SMTN: variants seen among roughly 807,000 people sequenced by gnomAD.
The protein encoded by SMTN is smoothelin.
A neutral mutation model predicts 102.0 loss-of-function variants in SMTN; 58 were observed. The ratio of observed to expected loss-of-function variants is 0.57; its 90% CI spans 0.46 to 0.71. The LOEUF is 0.71. Among genes scored for constraint, SMTN ranks in the 30% least tolerant of loss-of-function variants. The pLI is 0.00. For missense variants in SMTN, 1,185 were observed against 1,241.7 expected (o/e 0.95, Z 0.69); for synonymous variants, 478 against 497.9 (o/e 0.96, Z 0.53).
In SMTN at chr22:31,090,221, C is replaced by T. The variant is rs745757593; in HGVS notation, c.865+41C>T. 3 of 1,512,786 alleles carry T rather than the reference C, an allele frequency of 2.0e-6. No homozygotes were observed. The South Asian group carries it at 3.6e-5, about 18-fold the overall frequency. 93.7% of individuals were successfully genotyped at this position (1,512,786 alleles called of 1,614,324 possible). A position where few individuals can be genotyped will look rare whatever the true frequency, so the allele number is the denominator to read the frequency against. On this transcript the variant is annotated intron_variant, in intron 8 of 20. Transcript: ENST00000333137. Reference sequence around the variant, plus strand: ...GGGGTAGTCACAGGCATCTTTCTTCCCCTCCCCCTGCCTCCCTTTCCCTGC... The same window carrying T: ...GGGGTAGTCACAGGCATCTTTCTTCTCCTCCCCCTGCCTCCCTTTCCCTGC...
At chr22:31,082,727 G>T (rs920638344) in intron 1 of SMTN, 11 of 742,118 alleles carry the variant, frequency 1.5e-5, no homozygotes, top group Non-Finnish European at 2.5e-5. Flanking sequence ...CAAGAACTAC[G>T]GGTTCAGCCC....
intron 3 of SMTN, 57 bp downstream of exon 3, chr22:31,088,170 G>C (rs2042845369): frequency 6.6e-7 from 1 of 1,526,564 alleles, no homozygotes; most frequent in African/African-American, 1.4e-5. Flanking sequence ...CCCTGGCTCA[G>C]CTCATGTGTG....
At chr22:31,071,640 T>A (rs1326854675) in intron 1 of SMTN, among the ~76,000 whole-genome samples, 1 of 150,048 alleles carries the variant, frequency 6.7e-6, no homozygotes, top group Non-Finnish European at 1.5e-5. Flanking sequence ...CTTAATTAAT[T>A]AAAAAAAATT....
rs145606484 is a variant in SMTN, at chr22:31,099,189, G to A, written c.2451+10G>A. On this transcript the variant is annotated intron_variant, in intron 18 of 20. Coordinates refer to ENST00000333137, the MANE Select transcript of SMTN (RefSeq NM_134269.3). ...GACTCGCGGCTACGAGGTGAGCCCCGGGAGGCCAGGGGGCCTGGAGGCCTC... is the reference window on the plus strand; with the variant it reads ...GACTCGCGGCTACGAGGTGAGCCCCAGGAGGCCAGGGGGCCTGGAGGCCTC... 452 of 1,593,882 alleles carry A rather than the reference G, an allele frequency of 2.8e-4. 1 individual carries two copies. The African/African-American group carries it at 5.5e-3, about 19-fold the overall frequency.
intron 11 of SMTN, among the ~76,000 whole-genome samples, chr22:31,094,620 G>A (rs1329381518): frequency 6.6e-6 from 1 of 151,630 alleles, no homozygotes; most frequent in Non-Finnish European, 1.5e-5. Flanking sequence ...GAGAGAGACT[G>A]TGGGCAAGTC....
At position 31,088,082 on chromosome 22, in the gene SMTN, G is replaced by A. The variant is rs760960320; in HGVS notation, c.169G>A (p.Glu57Lys). Residue 57 changes from glutamate (E) to lysine (K), a missense_variant, in exon 3 of 21, where the codon GAG (glutamate) becomes AAG (lysine). Physicochemically the swap from Glu to Lys is moderately conservative, Grantham distance 56. Around this residue, in one of 2 missense-constraint regions of SMTN, gnomAD observed 1,096 missense variants for 1,112.7 expected, o/e 0.98. Coordinates refer to ENST00000333137, the MANE Select transcript of SMTN (RefSeq NM_134269.3). ...CCTGGCATCCAAGCGTTTCCGTGCC[G>A]AGCGGCAGGACAACAAGGAGAACTG... Reference protein sequence around the residue: ...EALASKRFRAERQDNKENWLH... With the variant: ...EALASKRFRAKRQDNKENWLH... 3.1e-6 allele frequency: 5 copies of A among 1,607,996 alleles called. No homozygotes were observed. Among genetic ancestry groups the A allele is most frequent in the Admixed American group, 1.7e-5 (1 of 59,482 alleles).
chr22:31,075,425 A>G (rs1445663817), intron 1 of SMTN, among the ~76,000 whole-genome samples: 2 of 152,152 alleles, frequency 1.3e-5, no homozygotes, highest in East Asian at 1.9e-4. Flanking sequence ...GGCGCGGTGT[A>G]ATCCCAGCAT....
chr22:31,100,525 G>A lies in SMTN; in HGVS notation c.2604-360G>A, dbSNP rs536442139. Among the ~76,000 whole-genome samples the A allele has an allele frequency of 1.7e-4, 24 of 142,344 alleles. No homozygotes were observed. The South Asian group carries it at 4.5e-3, about 27-fold the overall frequency. 93.4% of individuals were successfully genotyped at this position (142,344 alleles called of 152,430 possible). On this transcript the variant is annotated intron_variant, in intron 19 of 20. Transcript: ENST00000333137. ...CACGCCTCCCTCACCCCCTCTCCCC[G>A]GGGCACAGCCCTCCTCTCCAACCTT...
At chr22:31,099,385 A>T (rs1239548033) in intron 18 of SMTN, 2 of 595,092 alleles carry the variant, frequency 3.4e-6, no homozygotes, top group Non-Finnish European at 6.0e-6. Context: ...ATGAAGTAAC[A>T]GGGCCTCTTG....
chr22:31,086,224 T>C (rs1428238125), intron 2 of SMTN, among the ~76,000 whole-genome samples: 1 of 152,228 alleles, frequency 6.6e-6, no homozygotes, highest in African/African-American at 2.4e-5. Flanking sequence ...CCAGGATCCC[T>C]GAGGTCCCCA....
intron 20 of SMTN, 33 bp downstream of exon 20, chr22:31,101,082 T>C (rs2044053058): frequency 3.8e-6 from 6 of 1,559,156 alleles, no homozygotes; most frequent in Middle Eastern, 3.5e-4. Context: ...CCTGCCCCGT[T>C]TCACCAGAAT....
chr22:31,080,064 G>A (rs554223981), upstream of SMTN, among the ~76,000 whole-genome samples: 33 of 152,312 alleles, frequency 2.2e-4, no homozygotes, highest in South Asian at 2.5e-3. Context: ...CACCTGGCCC[G>A]TGCCTTGGTT....
chr22:31,089,910 C>T lies in SMTN; in HGVS notation c.683C>T (p.Ala228Val), dbSNP rs1267803592. The T allele has an allele frequency of 6.2e-7, 1 of 1,612,036 alleles. No individual in the cohort carries two copies. The highest frequency in any genetic ancestry group is 8.5e-7 in the Non-Finnish European group (1 of 1,179,078). Residue 228 changes from alanine (A) to valine (V), a missense_variant, in exon 7 of 21, where the codon GCT becomes GTT. By Grantham distance (64) the Ala-to-Val change is moderately conservative. Transcript: ENST00000333137. ...CCTGCCGAGGCCCAGTGCCTTACAG[C>T]TGAGGTTCCAGGCAGCCCAGAGCCA... ...LEPAEAQCLT[A>V]EVPGSPEPPP...
intron 1 of SMTN, among the ~76,000 whole-genome samples, chr22:31,074,817 C>A (rs1399104405): frequency 6.6e-6 from 1 of 151,986 alleles, no homozygotes; most frequent in Non-Finnish European, 1.5e-5. Context: ...AAAACAACAA[C>A]AACAACAACA....
At position 31,088,555 on chromosome 22, in the gene SMTN, G is replaced by A. The variant is rs775850585; in HGVS notation, c.243G>A (p.Arg81=). 6.2e-7 allele frequency: 1 copy of A among 1,613,586 alleles called. No individual in the cohort carries two copies. Among genetic ancestry groups the A allele is most frequent in the Admixed American group, 1.7e-5 (1 of 60,026 alleles). The change falls in exon 4 of 21, where the codon CGG becomes CGA. Residue 81 remains arginine (R), a synonymous_variant. Coordinates refer to ENST00000333137, the MANE Select transcript of SMTN (RefSeq NM_134269.3). The part of the protein sequence containing the change: ...REAEQRAALA[R]LAGQLESMND... ...CTGAGCAGCGGGCTGCCCTGGCACG[G>A]CTGGCAGGGCAGCTGGAGTCCATGA... is the stretch of plus-strand genomic sequence containing the variant.
At chr22:31,064,723 T>C (rs2041802347) in intron 1 of SMTN, 2 of 152,178 alleles carry the variant, frequency 1.3e-5, no homozygotes. Flanking sequence ...TGGTGTTTAA[T>C]TTTGAAATAA....
chr22:31,091,959 A>T, intron 11 of SMTN, 112 bp downstream of exon 11: 2 of 1,078,146 alleles, frequency 1.9e-6, no homozygotes, highest in African/African-American at 1.6e-5. Flanking sequence ...ACACACAGAG[A>T]AACCGAGGCC....
intron 1 of SMTN, among the ~76,000 whole-genome samples, chr22:31,074,082 G>A (rs959331197): frequency 6.6e-6 from 1 of 152,176 alleles, no homozygotes; most frequent in Non-Finnish European, 1.5e-5. Context: ...ATATTCTATT[G>A]GCCAAAAATA....
chr22:31,084,887 G>C (rs984852010), intron 2 of SMTN: 17 of 1,161,650 alleles, frequency 1.5e-5, no homozygotes, highest in Non-Finnish European at 1.9e-5. Context: ...CGCCGGCCCG[G>C]CCCCCGCTGG....
Sources: gnomAD v4.1 joint callset for allele counts (sites outside exome capture counted in the v4.1 genomes callset) on GRCh38, gnomAD v4.1.1 for gene constraint, gnomAD v4.1.1 regional missense constraint, MANE v1.5 for transcripts, NCBI Gene and HGNC (gene_info 2026-07-23, HGNC 2026-07-21) for gene names.